Variants in MACF1 observed in about 807,000 individuals in gnomAD.
MACF1 encodes the protein microtubule-actin cross-linking factor 1.
Under a neutral mutation model 854.8 loss-of-function variants are expected in MACF1, and 193 were observed. The observed-to-expected ratio is 0.23, with a 90% CI of 0.20 to 0.25. The LOEUF (loss-of-function observed/expected upper bound fraction) is 0.25. Ranked by LOEUF, MACF1 falls within the 10% of genes least tolerant of loss-of-function variation. The pLI is 1.00. For synonymous variants in MACF1, 3,185 were observed against 3,226.7 expected (o/e 0.99, Z 0.44); for missense variants, 7,722 against 8,929.1 (o/e 0.86, Z 5.45).
chr1:39,333,728 A>T lies in MACF1; in HGVS notation c.7140A>T (p.Thr2380=). Residue 2380 remains threonine, a synonymous_variant, in exon 37 of 101, where the codon ACA becomes ACT. Coordinates refer to ENST00000564288, the MANE Select transcript of MACF1 (RefSeq NM_001394062.1). ...ISGVLDPRTQ[T]LCSVKDAVTV... ...GTGTCTTAGACCCCCGTACCCAGAC[A>T]CTGTGCTCTGTAAAGGATGCAGTTA... 6.2e-7 allele frequency: 1 copy of T among 1,614,208 alleles called. No individual in the cohort carries two copies. Among genetic ancestry groups the T allele is most frequent in the Non-Finnish European group, 8.5e-7 (1 of 1,180,032 alleles).
rs778078869 is a variant in MACF1, at chr1:39,358,898, G to A, written c.12120+25G>A. 4.4e-6 allele frequency: 7 copies of A among 1,587,956 alleles called. No homozygotes were observed. In the African/African-American group the frequency reaches 5.5e-5, roughly 12 times the overall value. On this transcript the variant is annotated intron_variant, in intron 46 of 100. Coordinates refer to ENST00000564288, the MANE Select transcript of MACF1 (RefSeq NM_001394062.1). ...GGTAAGTCAGGACACAGGCTGTGTT[G>A]TGGTGTCAAGACCTTGTATTCCATG...
At chr1:39,175,176 G>C (rs992900767) in intron 2 of MACF1, among the ~76,000 whole-genome samples, 1 of 151,974 alleles carries the variant, frequency 6.6e-6, no homozygotes, top group African/African-American at 2.4e-5. Context: ...TCCTGCAGGA[G>C]GTTAGGTTGT....
chr1:39,408,753 G>GGGGGC (rs1423810738), intron 58 of MACF1, among the ~76,000 whole-genome samples: 9 of 152,092 alleles, frequency 5.9e-5, no homozygotes, highest in East Asian at 1.9e-4. Context: ...CGCCCTCTCC[G>GGGGGC]GGGGCGGGGC....
Position 39,380,363 on chromosome 1 carries a change from G to T in MACF1, c.13638G>T (p.Gln4546His). ...SQEAENWKKI[Q>H]EELNSRWERA... ...AAGCAGAAAATTGGAAGAAAATTCAGGAAGAACTCAGTAAGTTTTCACAAG... is the reference window on the plus strand; with the variant it reads ...AAGCAGAAAATTGGAAGAAAATTCATGAAGAACTCAGTAAGTTTTCACAAG... The change falls in exon 55 of 101, where the codon CAG becomes CAT. Residue 4546 changes from glutamine to histidine, a missense_variant. Physicochemically the swap from Gln to His is conservative, Grantham distance 24. This residue lies in a region of MACF1 where 2,807 missense variants were observed against 3,235.8 expected (regional missense o/e 0.87). Transcript: ENST00000564288. 6.2e-7 allele frequency: 1 copy of T among 1,612,786 alleles called. No individual in the cohort carries two copies. The highest frequency in any genetic ancestry group is 8.5e-7 in the Non-Finnish European group (1 of 1,179,480).
intron 6 of MACF1, among the ~76,000 whole-genome samples, chr1:39,262,066 A>G (rs1015747552): frequency 6.6e-6 from 1 of 152,186 alleles, no homozygotes; most frequent in Non-Finnish European, 1.5e-5. Context: ...TTCCACAAAC[A>G]TTGACTGGGA....
chr1:39,388,399 T>C lies in MACF1; in HGVS notation c.15557T>C (p.Met5186Thr), dbSNP rs755164174. The C allele has an allele frequency of 3.1e-6, 5 of 1,614,136 alleles. No homozygotes were observed. In the East Asian group the frequency reaches 6.7e-5, roughly 22 times the overall value. The change falls in exon 58 of 101, where the codon ATG (methionine) becomes ACG (threonine). Residue 5186 changes from methionine to threonine, a missense_variant. By Grantham distance (81) the Met-to-Thr change is moderately conservative (BLOSUM62 -1). Coordinates refer to ENST00000564288, the MANE Select transcript of MACF1 (RefSeq NM_001394062.1). ...IEASEAECRH[M>T]LEEEGTLDLL... ...GCCTCTGAAGCAGAGTGTCGACATA[T>C]GCTAGAAGAAGAGGGGACTCTGGAT...
chr1:39,383,956 C>G (rs967765217), intron 56 of MACF1, among the ~76,000 whole-genome samples: 1 of 152,060 alleles, frequency 6.6e-6, no homozygotes, highest in African/African-American at 2.4e-5. Flanking sequence ...TTCTGCATAT[C>G]TGTTACAATA....
chr1:39,422,275 T>C (rs1643571117), intron 58 of MACF1, 99 bp from the exon 59 acceptor site: 1 of 897,174 alleles, frequency 1.1e-6, no homozygotes, highest in Middle Eastern at 2.4e-4. Flanking sequence ...TGGTCGTCTT[T>C]CATTAAGTCA....
intron 2 of MACF1, among the ~76,000 whole-genome samples, chr1:39,162,061 CTCTG>C (rs1249562812): frequency 1.3e-5 from 2 of 151,534 alleles, no homozygotes; most frequent in Non-Finnish European, 2.9e-5. Context: ...CACCCTGTCT[CTCTG>C]TCTTTTTTTT....
intron 2 of MACF1, among the ~76,000 whole-genome samples, chr1:39,235,130 G>A (rs923344725): frequency 6.6e-6 from 1 of 152,118 alleles, no homozygotes; most frequent in African/African-American, 2.4e-5. Flanking sequence ...CTGCAATCTC[G>A]GCACTTTGGG....
intron 2 of MACF1, among the ~76,000 whole-genome samples, chr1:39,148,201 G>A (rs907598760): frequency 5.3e-5 from 8 of 152,042 alleles, no homozygotes; most frequent in African/African-American, 1.9e-4. Context: ...GCCTCCCCTA[G>A]ACCATGAGTT....
At chr1:39,148,870 T>A (rs1367928188) in intron 2 of MACF1, among the ~76,000 whole-genome samples, 1 of 152,228 alleles carries the variant, frequency 6.6e-6, no homozygotes, top group Non-Finnish European at 1.5e-5. Context: ...CAAACTACTC[T>A]CCATAAAAGT....
chr1:39,328,364 A>T (rs1412828215), intron 36 of MACF1: 1 of 152,176 alleles, frequency 6.6e-6, no homozygotes, highest in Non-Finnish European at 1.5e-5. Context: ...TCATTTTGAA[A>T]GGTTAAAAAA....
intron 97 of MACF1, among the ~76,000 whole-genome samples, chr1:39,478,554 C>T (rs556951861): frequency 6.6e-6 from 1 of 152,270 alleles, no homozygotes; most frequent in African/African-American, 2.4e-5. Flanking sequence ...TAACCTGATA[C>T]TTTGATATGT....
rs1324955242 is a variant in MACF1 at position 39,479,850 on chromosome 1, A to G, written c.22011A>G (p.Gly7337=). Reference sequence around the variant, plus strand: ...GAGAGAAATTCATCCTACCAGAGGGAGCATCCCAGGGAATGACCCCCTTCC... The same window carrying G: ...GAGAGAAATTCATCCTACCAGAGGGGGCATCCCAGGGAATGACCCCCTTCC... ...ELREKFILPE[G]ASQGMTPFRS... is the part of the protein sequence containing the mutation. Residue 7337 remains glycine, a synonymous_variant, in exon 98 of 101, where the codon GGA becomes GGG. Transcript: ENST00000564288. The G allele has an allele frequency of 6.2e-7, 1 of 1,614,142 alleles. No homozygotes were observed. Among genetic ancestry groups the G allele is most frequent in the Admixed American group, 1.7e-5 (1 of 60,010 alleles).
intron 58 of MACF1, among the ~76,000 whole-genome samples, chr1:39,421,288 C>A (rs1643528028): frequency 6.6e-6 from 1 of 152,180 alleles, no homozygotes; most frequent in Non-Finnish European, 1.5e-5. Flanking sequence ...CTTGTTACAC[C>A]TATTCACATT....
chr1:39,450,961 T>G, intron 84 of MACF1, 91 bp from the exon 85 acceptor site: 2 of 1,421,450 alleles, frequency 1.4e-6, no homozygotes, highest in Non-Finnish European at 1.9e-6. Flanking sequence ...CTATATAGGG[T>G]TCAAGCAATA....
chr1:39,193,462 A>G (rs1007350087), intron 2 of MACF1, among the ~76,000 whole-genome samples: 1 of 152,156 alleles, frequency 6.6e-6, no homozygotes. Context: ...ACCTTCTTGC[A>G]TTTGCCACTG....
chr1:39,416,845 A>T (rs912899767), intron 58 of MACF1, among the ~76,000 whole-genome samples: 6 of 152,268 alleles, frequency 3.9e-5, no homozygotes, highest in African/African-American at 1.4e-4. Flanking sequence ...TGTACAGGAA[A>T]GGATAGATCT....
Sources: gnomAD v4.1 joint callset for allele counts (sites outside exome capture counted in the v4.1 genomes callset) on GRCh38, gnomAD v4.1.1 for gene constraint, gnomAD v4.1.1 regional missense constraint, MANE v1.5 for transcripts, NCBI Gene and HGNC (gene_info 2026-07-23, HGNC 2026-07-21) for gene names.